The following ZMYND11 variants were observed in gnomAD, a reference collection of about 807,000 sequenced individuals.
ZMYND11 encodes the protein zinc finger MYND-type containing 11.
In ZMYND11, 9 loss-of-function variants were observed where a neutral mutation model predicts 84.9. That is an observed-to-expected ratio of 0.11 (90% CI 0.06 to 0.18). The LOEUF (loss-of-function observed/expected upper bound fraction) is 0.18, where lower values mean the gene tolerates loss of function less well. Among genes scored for constraint, ZMYND11 ranks in the 10% least tolerant of loss-of-function variants. The probability of loss-of-function intolerance (pLI) is 1.00; values close to 1 mark genes in which losing one functional copy is unlikely to be tolerated. For missense variants in ZMYND11, 409 were observed against 761.0 expected (o/e 0.54, Z 5.44); for synonymous variants, 250 against 244.1 (o/e 1.02, Z -0.23).
intron 4 of ZMYND11, among the ~76,000 whole-genome samples, chr10:224,999 C>T (rs1014237800): frequency 3.3e-5 from 5 of 151,792 alleles, no homozygotes; most frequent in Non-Finnish European, 7.4e-5. Flanking sequence ...CATGAATTTT[C>T]CAGGAAAAAA....
chr10:234,710 G>T (rs1472998403), intron 4 of ZMYND11, among the ~76,000 whole-genome samples: 1 of 152,168 alleles, frequency 6.6e-6, no homozygotes, highest in South Asian at 2.1e-4. Context: ...CTTTTAAGAA[G>T]AATGTACATT....
rs1272826718 is a variant in ZMYND11 at position 206,010 on chromosome 10, GGTT to G, written c.117-3875_117-3873del. On this transcript the variant is annotated intron_variant, in intron 2 of 14. Coordinates refer to ENST00000381604, the MANE Select transcript of ZMYND11 (RefSeq NM_001370100.5). Reference sequence around the variant, plus strand: ...GGATAAATCAATAGACCTGTCCTAAGGTTGTTTTTTTTTTTTTTTTGTTTCAGA... The same window carrying G: ...GGATAAATCAATAGACCTGTCCTAAGGTTTTTTTTTTTTTTTTGTTTCAGA... 1.1e-3 allele frequency among the ~76,000 whole-genome samples: 157 copies of G among 149,418 alleles called. 1 individual carries two copies. The highest frequency in any genetic ancestry group is 3.8e-3 in the African/African-American group (152 of 40,070).
At position 159,008 on chromosome 10, in the gene ZMYND11, T is replaced by TAC. The variant is rs1564288182; in HGVS notation, c.-19-20984_-19-20983dup. On this transcript the variant is annotated intron_variant, in intron 1 of 14. Transcript: ENST00000381604. ...TGTTTTTTGTTTTTTTTTTTTTTTTTACATTATGTGGTTGTCTTTTCACTT... is the reference window on the plus strand; with the variant it reads ...TGTTTTTTGTTTTTTTTTTTTTTTTTACACATTATGTGGTTGTCTTTTCACTT... Among the ~76,000 whole-genome samples, 5 of 140,464 alleles carry TAC rather than the reference T, an allele frequency of 3.6e-5. No individual in the cohort carries two copies. In the East Asian group the frequency reaches 6.2e-4, roughly 18 times the overall value. The allele number at this position is 140,464 out of a possible 152,430, so 92.1% of individuals were successfully genotyped here. A position where few individuals can be genotyped will look rare whatever the true frequency, so the allele number is the denominator to read the frequency against.
In ZMYND11 at chr10:162,048, A is replaced by G. The variant is rs374046519; in HGVS notation, c.-19-17946A>G. Among the ~76,000 whole-genome samples, 91 of 152,144 alleles carry G rather than the reference A, an allele frequency of 6.0e-4. 1 individual carries two copies. Among genetic ancestry groups the G allele is most frequent in the Middle Eastern group, 6.8e-3 (2 of 292 alleles). On this transcript the variant is annotated intron_variant, in intron 1 of 14. Coordinates refer to ENST00000381604, the MANE Select transcript of ZMYND11 (RefSeq NM_001370100.5). The stretch of plus-strand genomic sequence containing the variant: ...TAAGCTTAATCATTTTTAGTTTTTG[A>G]CTTAAAGTGAGAGAGATGTGACTCT...
intron 1 of ZMYND11, among the ~76,000 whole-genome samples, chr10:168,241 T>A (rs1019217714): frequency 5.3e-5 from 8 of 152,066 alleles, no homozygotes; most frequent in African/African-American, 1.9e-4. Flanking sequence ...AGCTTATACA[T>A]GCAAGTTATA....
chr10:169,643 G>A (rs371651536), intron 1 of ZMYND11, among the ~76,000 whole-genome samples: 7 of 152,090 alleles, frequency 4.6e-5, no homozygotes, highest in Non-Finnish European at 7.4e-5. Context: ...CTAACAGACC[G>A]TAAAAAGCCT....
At chr10:159,366 G>A (rs1842494214) in intron 1 of ZMYND11, among the ~76,000 whole-genome samples, 1 of 152,110 alleles carries the variant, frequency 6.6e-6, no homozygotes, top group Admixed American at 6.6e-5. Context: ...AGTAGCGTAT[G>A]AGAATCCCTA....
intron 12 of ZMYND11, 79 bp downstream of exon 12, chr10:247,545 T>C (rs1453330602): frequency 1.1e-5 from 16 of 1,457,328 alleles, no homozygotes; most frequent in Non-Finnish European, 1.5e-5. Context: ...TTTCAAAGTA[T>C]TTCAAAGACA....
upstream of ZMYND11, among the ~76,000 whole-genome samples, chr10:130,475 G>A (rs1415017848): frequency 6.6e-6 from 1 of 152,178 alleles, no homozygotes; most frequent in Non-Finnish European, 1.5e-5. Flanking sequence ...CCATTTTACA[G>A]ATAATAATAA....
Position 253,169 on chromosome 10 carries a change from A to G in ZMYND11, c.*699A>G, listed in dbSNP as rs1953824477. 1 of 152,702 alleles carries G rather than the reference A, an allele frequency of 6.5e-6. No homozygotes were observed. The highest frequency in any genetic ancestry group is 6.5e-5 in the Admixed American group (1 of 15,284). The allele number at this position is 152,702 out of a possible 1,614,324, so 9.5% of individuals were successfully genotyped here. ...CTTTTACTGAGCTGGATCTTAGAGAAAATGAATATTTAAATTTTAAAGTTT... is the reference window on the plus strand; with the variant it reads ...CTTTTACTGAGCTGGATCTTAGAGAGAATGAATATTTAAATTTTAAAGTTT... On this transcript the variant is annotated 3_prime_UTR_variant, in exon 15 of 15. Coordinates refer to ENST00000381604, the MANE Select transcript of ZMYND11 (RefSeq NM_001370100.5).
At chr10:163,002 G>A (rs953873334) in intron 1 of ZMYND11, among the ~76,000 whole-genome samples, 1 of 152,106 alleles carries the variant, frequency 6.6e-6, no homozygotes, top group Admixed American at 6.6e-5. Flanking sequence ...CAAGATTGCA[G>A]GTTTTTCTTT....
chr10:219,453 A>G (rs1328366167), intron 3 of ZMYND11, among the ~76,000 whole-genome samples: 2 of 152,234 alleles, frequency 1.3e-5, no homozygotes, highest in Non-Finnish European at 2.9e-5. Flanking sequence ...ATATCCTGAA[A>G]TATTTTGTCT....
chr10:222,603 T>C (rs1184102300), intron 4 of ZMYND11, among the ~76,000 whole-genome samples: 3 of 152,204 alleles, frequency 2.0e-5, no homozygotes, highest in Non-Finnish European at 4.4e-5. Context: ...AATATTCATA[T>C]TTTATTCTCT....
intron 3 of ZMYND11, among the ~76,000 whole-genome samples, chr10:210,476 T>C (rs552428469): frequency 6.6e-5 from 10 of 152,336 alleles, no homozygotes; most frequent in Non-Finnish European, 1.2e-4. Flanking sequence ...AAAGGCAGGC[T>C]TCAGTAGGAA....
intron 9 of ZMYND11, among the ~76,000 whole-genome samples, chr10:241,425 G>A (rs971483591): frequency 5.3e-5 from 8 of 152,090 alleles, no homozygotes; most frequent in African/African-American, 1.7e-4. Flanking sequence ...CAGTCCTCCC[G>A]CCTCGGCCTT....
At chr10:236,153 A>G (rs1463190570) in intron 4 of ZMYND11, among the ~76,000 whole-genome samples, 1 of 152,204 alleles carries the variant, frequency 6.6e-6, no homozygotes. Context: ...TGCTTCCTTT[A>G]GGCTGTTGTA....
intron 2 of ZMYND11, among the ~76,000 whole-genome samples, chr10:201,017 G>A (rs1943048917): frequency 6.6e-6 from 1 of 151,824 alleles, no homozygotes; most frequent in Non-Finnish European, 1.5e-5. Flanking sequence ...ATCTCCTCCT[G>A]TTATACTTCC....
chr10:135,023 A>C (rs1430743456), upstream of ZMYND11: 1 of 148,992 alleles, frequency 6.7e-6, no homozygotes, highest in Non-Finnish European at 1.5e-5. The surrounding 1 kb of genome is among the most constrained non-coding windows in gnomAD (Gnocchi z 5.6). Context: ...TCGACCCGAC[A>C]CAATAAACTC....
chr10:245,701 T>G (rs961333695), intron 10 of ZMYND11, among the ~76,000 whole-genome samples: 2 of 152,206 alleles, frequency 1.3e-5, no homozygotes, highest in African/African-American at 4.8e-5. Flanking sequence ...CCGAATAAAA[T>G]GTTCTGACCA....
Sources: allele counts gnomAD v4.1 joint callset (sites outside exome capture counted in the v4.1 genomes callset), GRCh38; gene constraint gnomAD v4.1.1; non-coding constraint Gnocchi (gnomAD v3.1); transcripts MANE v1.5; gene names NCBI Gene and HGNC (gene_info 2026-07-23, HGNC 2026-07-21).